The following CACNA1H variants were observed in gnomAD, a reference collection of about 807,000 sequenced individuals.
CACNA1H encodes voltage-dependent T-type calcium channel subunit alpha-1H.
CACNA1H carries 149 observed loss-of-function variants against 192.5 expected under a neutral mutation model. That is an observed-to-expected ratio of 0.77 (90% CI 0.68 to 0.89). The LOEUF (loss-of-function observed/expected upper bound fraction) is 0.89, where lower values mean the gene tolerates loss of function less well. CACNA1H is among the 40% of genes least tolerant of loss of function. CACNA1H has a pLI of 0.00. For synonymous variants in CACNA1H, 2,202 were observed against 1,475.2 expected, an observed-to-expected ratio of 1.49 and a Z score of -11.29; for missense variants, 4,257 against 3,423.5, an observed-to-expected ratio of 1.24 and a Z score of -6.08.
intron 2 of CACNA1H, among the ~76,000 whole-genome samples, chr16:1,165,727 C>T (rs923272723): frequency 3.9e-5 from 6 of 152,344 alleles, no homozygotes; most frequent in South Asian, 2.1e-4. Flanking sequence ...GCCCCCACCC[C>T]GGCTCACAGT....
chr16:1,221,200 T>C lies in CACNA1H; in HGVS notation c.*206T>C. On this transcript the variant is annotated 3_prime_UTR_variant, in exon 35 of 35. Transcript: ENST00000348261. ...CCCCACGAGCCTCCGTCCGTTCTGG[T>C]TCGGGTTTCTCCGAGTTTTGCTACC... The C allele has an allele frequency of 1.9e-6, 1 of 524,128 alleles. No individual in the cohort carries two copies. The highest frequency in any genetic ancestry group is 3.5e-5 in the South Asian group (1 of 28,286). The allele number at this position is 524,128 out of a possible 1,614,324, so 32.5% of individuals were successfully genotyped here.
Position 1,204,344 on chromosome 16 carries a change from G to T in CACNA1H, c.2337G>T (p.Trp779Cys). ...PGEPGWMGRL[W>C]VTFSGKLRRI... is the part of the protein sequence containing the mutation. ...AGCCAGGCTGGATGGGCCGCCTCTGGGTTACCTTCAGCGGCAAGCTGCGCC... is the reference window on the plus strand; with the variant it reads ...AGCCAGGCTGGATGGGCCGCCTCTGTGTTACCTTCAGCGGCAAGCTGCGCC... The change falls in exon 10 of 35, where the codon TGG (tryptophan) becomes TGT (cysteine). Residue 779 changes from tryptophan to cysteine, a missense_variant. By Grantham distance (215) the Trp-to-Cys change is radical (BLOSUM62 -2). Transcript: ENST00000348261. 3.2e-6 allele frequency: 5 copies of T among 1,586,022 alleles called. No individual in the cohort carries two copies. Among genetic ancestry groups the T allele is most frequent in the Non-Finnish European group, 4.3e-6 (5 of 1,165,700 alleles).
chr16:1,174,397 G>T (rs890987555), intron 2 of CACNA1H, among the ~76,000 whole-genome samples: 1 of 152,166 alleles, frequency 6.6e-6, no homozygotes, highest in African/African-American at 2.4e-5. Context: ...GCCCATTGCT[G>T]CCAGGATGGG....
chr16:1,212,107 G>C lies in CACNA1H; in HGVS notation c.4728G>C (p.Lys1576Asn), dbSNP rs755610106. 2 of 1,609,798 alleles carry C rather than the reference G, an allele frequency of 1.2e-6. No individual in the cohort carries two copies. The highest frequency in any genetic ancestry group is 1.7e-6 in the Non-Finnish European group (2 of 1,179,534). ...EAEEARRREEKRLRRLERRRR... is the reference protein window; with the variant it reads ...EAEEARRREENRLRRLERRRR... ...AGGAGGCGCGGCGGCGAGAGGAGAA[G>C]CGGCTGCGGCGCCTAGAGAGGAGGC... Residue 1576 changes from lysine (K) to asparagine (N), a missense_variant, in exon 25 of 35, where the codon AAG becomes AAC. By Grantham distance (94) the Lys-to-Asn change is moderately conservative. Transcript: ENST00000348261.
rs558055340 is a variant in CACNA1H, at chr16:1,160,884, C to T, written c.299+6848C>T. ...AACCCGGGACGCCAGAGCACCCCAT[C>T]CTCGGGTGCGCGGCCGGCGAGGACC... On this transcript the variant is annotated intron_variant, in intron 2 of 34. Coordinates refer to ENST00000348261, the MANE Select transcript of CACNA1H (RefSeq NM_021098.3). Among the ~76,000 whole-genome samples, 30 of 152,264 alleles carry T rather than the reference C, an allele frequency of 2.0e-4. No homozygotes were observed. The South Asian group carries it at 6.0e-3, about 31-fold the overall frequency.
At position 1,167,246 on chromosome 16, in the gene CACNA1H, T is replaced by A. The variant is rs1963882929; in HGVS notation, c.299+13210T>A. Among the ~76,000 whole-genome samples the A allele has an allele frequency of 6.6e-6, 1 of 152,074 alleles. No individual in the cohort carries two copies. The highest frequency in any genetic ancestry group is 1.9e-4 in the East Asian group (1 of 5,174). On this transcript the variant is annotated intron_variant, in intron 2 of 34. Coordinates refer to ENST00000348261, the MANE Select transcript of CACNA1H (RefSeq NM_021098.3). This position sits in a 1 kb window ranked among gnomAD's most constrained non-coding sequence, Gnocchi z 4.2. Reference sequence around the variant, plus strand: ...GCGGGGGGCCTGTGGGGTATGGGCCTCCTGTCAGCAGCCCGTCCCGGTGGG... The same window carrying A: ...GCGGGGGGCCTGTGGGGTATGGGCCACCTGTCAGCAGCCCGTCCCGGTGGG...
In CACNA1H at chr16:1,209,392, C is replaced by T. The variant is rs141431881; in HGVS notation, c.3724C>T (p.Leu1242Phe). Residue 1242 changes from leucine to phenylalanine, a missense_variant, in exon 17 of 35, where the codon CTT (leucine) becomes TTT (phenylalanine). Coordinates refer to ENST00000348261, the MANE Select transcript of CACNA1H (RefSeq NM_021098.3). ...CAGCCACCGTGAGGATGCAGCCGAG[C>T]TTGACGACGACTCGGAGGACGTGAG... ...IDSHREDAAE[L>F]DDDSEDSCCL... The T allele has an allele frequency of 1.8e-5, 28 of 1,597,884 alleles. No individual in the cohort carries two copies. Among genetic ancestry groups the T allele is most frequent in the African/African-American group, 2.7e-5 (2 of 75,030 alleles).
At position 1,218,950 on chromosome 16, in the gene CACNA1H, T is replaced by TA; in HGVS notation, c.5888-19dup. 1 of 1,549,046 alleles carries TA rather than the reference T, an allele frequency of 6.5e-7. No individual in the cohort carries two copies. Reference sequence around the variant, plus strand: ...GAAGGCAGGGGCAGAGCTGCCAGCTTAGATTCTTCCCTGCCCCAGGCTCCG... The same window carrying TA: ...GAAGGCAGGGGCAGAGCTGCCAGCTTAAGATTCTTCCCTGCCCCAGGCTCCG... On this transcript the variant is annotated intron_variant, in intron 33 of 34. Coordinates refer to ENST00000348261, the MANE Select transcript of CACNA1H (RefSeq NM_021098.3).
intron 31 of CACNA1H, 64 bp downstream of exon 31, chr16:1,217,074 T>A (rs1970087667): frequency 3.6e-6 from 5 of 1,371,640 alleles, no homozygotes; most frequent in South Asian, 1.2e-5. Context: ...CCTGTGCCCA[T>A]CCACTCACAC....
chr16:1,183,798 C>T (rs1297040295), intron 2 of CACNA1H, among the ~76,000 whole-genome samples: 2 of 152,258 alleles, frequency 1.3e-5, no homozygotes, highest in Non-Finnish European at 1.5e-5. Flanking sequence ...TGGCGTGTTG[C>T]TCCCCCAGTG....
At chr16:1,177,378 C>T (rs998207397) in intron 2 of CACNA1H, among the ~76,000 whole-genome samples, 2 of 152,240 alleles carry the variant, frequency 1.3e-5, no homozygotes, top group African/African-American at 2.4e-5. Context: ...CGAGGGCCCT[C>T]CTCATGGTAC....
rs771645893 is a variant in CACNA1H, at chr16:1,206,313, C to T, written c.2789+24C>T. ...AGGTGGGCGCAACCCCCCTCCCGGCCCGCCCAGTGTCTCACCCCAGGGCAG... is the reference window on the plus strand; with the variant it reads ...AGGTGGGCGCAACCCCCCTCCCGGCTCGCCCAGTGTCTCACCCCAGGGCAG... On this transcript the variant is annotated intron_variant, in intron 12 of 34. Transcript: ENST00000348261. 1.9e-6 allele frequency: 3 copies of T among 1,545,312 alleles called. No individual in the cohort carries two copies. In the East Asian group the frequency reaches 7.3e-5, roughly 38 times the overall value.
Position 1,201,923 on chromosome 16 carries a change from C to A in CACNA1H, c.1473C>A (p.Asp491Glu). The part of the protein sequence containing the change: ...RWQSRWRKKV[D>E]PSAVQGQGPG... ...AGAGCCGCTGGCGCAAGAAGGTGGA[C>A]CCCAGTGCTGTGCAAGGCCAGGGTC... Residue 491 changes from aspartate to glutamate, a missense_variant, in exon 9 of 35, where the codon GAC (aspartate) becomes GAA (glutamate). Physicochemically the swap from Asp to Glu is conservative, Grantham distance 45 (BLOSUM62 2). Coordinates refer to ENST00000348261, the MANE Select transcript of CACNA1H (RefSeq NM_021098.3). 1.3e-6 allele frequency: 2 copies of A among 1,550,004 alleles called. No homozygotes were observed. The highest frequency in any genetic ancestry group is 2.4e-5 in the South Asian group (2 of 84,048).
intron 2 of CACNA1H, among the ~76,000 whole-genome samples, chr16:1,162,923 C>T (rs955351405): frequency 2.6e-5 from 4 of 152,228 alleles, no homozygotes; most frequent in African/African-American, 9.6e-5. Flanking sequence ...AACGCCTCTT[C>T]TCACGGCCAC....
At chr16:1,186,272 G>A (rs981157710) in intron 2 of CACNA1H, among the ~76,000 whole-genome samples, 26 of 152,086 alleles carry the variant, frequency 1.7e-4, no homozygotes, top group Admixed American at 1.2e-3. Context: ...ATAAGAATGC[G>A]CGGCTCCCTC....
rs190176133 is a variant in CACNA1H, at chr16:1,171,863, C to T, written c.299+17827C>T. On this transcript the variant is annotated intron_variant, in intron 2 of 34. Transcript: ENST00000348261. Reference sequence around the variant, plus strand: ...TGAGGCGTCTGTTCTGGGCTCTTCTCGCCCACAGACGAGAGGGTCAGGGCA... The same window carrying T: ...TGAGGCGTCTGTTCTGGGCTCTTCTTGCCCACAGACGAGAGGGTCAGGGCA... 3.5e-3 allele frequency among the ~76,000 whole-genome samples: 540 copies of T among 152,368 alleles called. 2 individuals are homozygous for T. The highest frequency in any genetic ancestry group is 0.012 in the African/African-American group (519 of 41,584).
In CACNA1H at chr16:1,220,798, C is replaced by T. The variant is rs1970425898; in HGVS notation, c.6866C>T (p.Thr2289Ile). 3 of 1,612,786 alleles carry T rather than the reference C, an allele frequency of 1.9e-6. No homozygotes were observed. The highest frequency in any genetic ancestry group is 2.5e-6 in the Non-Finnish European group (3 of 1,179,786). Residue 2289 changes from threonine (T) to isoleucine (I), a missense_variant, in exon 35 of 35, where the codon ACC becomes ATC. Physicochemically the swap from Thr to Ile is moderately conservative, Grantham distance 89 (BLOSUM62 -1). Coordinates refer to ENST00000348261, the MANE Select transcript of CACNA1H (RefSeq NM_021098.3). ...TTCTTGGACGGTAGCCACAGTGTGA[C>T]CCCAGAATCCAGAGCTTCCTCTTCA... ...DPFLDGSHSV[T>I]PESRASSSGA... is the part of the protein sequence containing the mutation.
rs780009943 is a variant in CACNA1H, at chr16:1,207,403, C to T, written c.3036C>T (p.Ala1012=). Residue 1012 remains alanine, a synonymous_variant, in exon 14 of 35, where the codon GCC becomes GCT. Coordinates refer to ENST00000348261, the MANE Select transcript of CACNA1H (RefSeq NM_021098.3). The part of the protein sequence containing the change: ...GNYVLFNLLV[A]ILVEGFQAEG... ...ATGTGCTCTTCAACCTGCTGGTGGC[C>T]ATCCTCGTGGAGGGCTTCCAGGCGG... 7.9e-5 allele frequency: 128 copies of T among 1,613,036 alleles called. No individual in the cohort carries two copies. Among genetic ancestry groups the T allele is most frequent in the Non-Finnish European group, 1.1e-4 (128 of 1,179,786 alleles).
chr16:1,164,751 G>T (rs541199372), intron 2 of CACNA1H, among the ~76,000 whole-genome samples: 3 of 152,346 alleles, frequency 2.0e-5, no homozygotes, highest in South Asian at 4.1e-4. Context: ...CTGGGGTTCT[G>T]TCGGTGGAGC....
Sources: allele counts gnomAD v4.1 joint callset (sites outside exome capture counted in the v4.1 genomes callset), GRCh38; gene constraint gnomAD v4.1.1; non-coding constraint Gnocchi (gnomAD v3.1); transcripts MANE v1.5; gene names NCBI Gene and HGNC (gene_info 2026-07-23, HGNC 2026-07-21).